CLPB: variants seen among roughly 807,000 people sequenced by gnomAD.
CLPB encodes ClpB family mitochondrial disaggregase.
A neutral mutation model predicts 78.4 loss-of-function variants in CLPB; 40 were observed. The observed-to-expected ratio is 0.51, with a 90% CI of 0.40 to 0.66. The LOEUF (loss-of-function observed/expected upper bound fraction) is 0.66. CLPB is among the 30% of genes least tolerant of loss of function. The pLI is 0.00. For synonymous variants in CLPB, 333 were observed against 348.0 expected, an observed-to-expected ratio of 0.96 and a Z score of 0.48; for missense variants, 780 against 886.9, an observed-to-expected ratio of 0.88 and a Z score of 1.53.
intron 2 of CLPB, among the ~76,000 whole-genome samples, chr11:72,407,931 G>C (rs574192522): frequency 1.6e-4 from 24 of 152,292 alleles, no homozygotes; most frequent in Middle Eastern, 3.4e-3. Flanking sequence ...ACAGGCATGA[G>C]CCACCGCGCC....
intron 12 of CLPB, 152 bp from the exon 13 acceptor site, chr11:72,294,845 TCTC>T (rs1379734647): frequency 1.5e-6 from 1 of 680,752 alleles, no homozygotes; most frequent in Non-Finnish European, 2.6e-6. Flanking sequence ...TTCAGCCTGG[TCTC>T]CTCCTCTGAC....
At chr11:72,381,227 A>C (rs1482898986) in intron 3 of CLPB, among the ~76,000 whole-genome samples, 3 of 152,122 alleles carry the variant, frequency 2.0e-5, no homozygotes, top group Non-Finnish European at 4.4e-5. Flanking sequence ...ACATACACTC[A>C]TGGGGGAAGG....
chr11:72,427,182 TC>T (rs370259921), intron 2 of CLPB, among the ~76,000 whole-genome samples: 6 of 151,830 alleles, frequency 4.0e-5, no homozygotes, highest in African/African-American at 1.5e-4. Flanking sequence ...ATCGAATACC[TC>T]CCCCTGGGAG....
rs573602349 is a variant in CLPB, at chr11:72,357,180, C to T, written c.775+1700G>A. On this transcript the variant is annotated intron_variant, in intron 5 of 15. Coordinates refer to ENST00000538039, the MANE Select transcript of CLPB (RefSeq NM_001258392.3). ...TCCCTTGTAGGCTTGGGGATACAGGCCAGGCCTGGGTTTTAAGCTAGCATG... is the reference window on the plus strand; with the variant it reads ...TCCCTTGTAGGCTTGGGGATACAGGTCAGGCCTGGGTTTTAAGCTAGCATG... 58 of 152,234 alleles carry T rather than the reference C, an allele frequency of 3.8e-4. 1 individual carries two copies. Among genetic ancestry groups the T allele is most frequent in the Non-Finnish European group, 5.6e-4 (38 of 68,146 alleles). 9.4% of individuals were successfully genotyped at this position (152,234 alleles called of 1,614,324 possible).
intron 5 of CLPB, among the ~76,000 whole-genome samples, chr11:72,350,073 G>C (rs534404756): frequency 6.6e-6 from 1 of 152,270 alleles, no homozygotes; most frequent in African/African-American, 2.4e-5. Context: ...GCTCAACTAT[G>C]CAGTGGCTCC....
intron 3 of CLPB, among the ~76,000 whole-genome samples, chr11:72,399,482 A>G (rs1855502058): frequency 6.6e-6 from 1 of 152,196 alleles, no homozygotes; most frequent in Admixed American, 6.5e-5. Flanking sequence ...TATAAATTAA[A>G]TTATTGTGCA....
At chr11:72,397,385 T>C (rs1176851906) in intron 3 of CLPB, among the ~76,000 whole-genome samples, 5 of 152,234 alleles carry the variant, frequency 3.3e-5, no homozygotes, top group Admixed American at 1.3e-4. Flanking sequence ...CTTAGACAAA[T>C]ACCTAGGAGT....
At chr11:72,324,225 C>G (rs1253247267) in intron 6 of CLPB, among the ~76,000 whole-genome samples, 1 of 151,916 alleles carries the variant, frequency 6.6e-6, no homozygotes. Flanking sequence ...TCCATACATT[C>G]CTGATATGTG....
At chr11:72,294,147 G>A (rs769861976) in intron 14 of CLPB, 21 bp from the exon 15 acceptor site, 1 of 1,611,050 alleles carries the variant, frequency 6.2e-7, no homozygotes, top group South Asian at 1.1e-5. Flanking sequence ...TCAGATAGAA[G>A]CATGCCTGCA....
intron 3 of CLPB, among the ~76,000 whole-genome samples, chr11:72,384,503 C>T (rs896310808): frequency 4.0e-5 from 6 of 151,848 alleles, no homozygotes; most frequent in African/African-American, 7.3e-5. Context: ...CAAAGGAAGA[C>T]GGCAAGAGAG....
chr11:72,292,018 G>A lies in CLPB; in HGVS notation c.*1349C>T, dbSNP rs1184503215. 6.8e-6 allele frequency: 1 copy of A among 147,404 alleles called. No individual in the cohort carries two copies. The highest frequency in any genetic ancestry group is 2.6e-5 in the African/African-American group (1 of 39,004). 9.1% of individuals were successfully genotyped at this position (147,404 alleles called of 1,614,324 possible). A position where few individuals can be genotyped will look rare whatever the true frequency, so the allele number is the denominator to read the frequency against. ...AGATCGCGCCACTGCACTCCAGCTT[G>A]GGGGACAGAGTGAGACTCTGTCTCA... On this transcript the variant is annotated 3_prime_UTR_variant, in exon 16 of 16. Coordinates refer to ENST00000538039, the MANE Select transcript of CLPB (RefSeq NM_001258392.3).
At chr11:72,322,018 G>A (rs1950053053) in intron 6 of CLPB, among the ~76,000 whole-genome samples, 1 of 152,096 alleles carries the variant, frequency 6.6e-6, no homozygotes, top group Non-Finnish European at 1.5e-5. Context: ...AATGATAAAA[G>A]AGGAGCCCAG....
intron 1 of CLPB, among the ~76,000 whole-genome samples, 196 bp downstream of exon 1, chr11:72,433,875 TG>T (rs1488913161): frequency 6.6e-6 from 1 of 152,134 alleles, no homozygotes; most frequent in Non-Finnish European, 1.5e-5. Flanking sequence ...AGCGGATCTA[TG>T]GTACGAGATT....
intron 4 of CLPB, among the ~76,000 whole-genome samples, chr11:72,377,694 A>G (rs1008679755): frequency 4.7e-5 from 7 of 149,076 alleles, no homozygotes; most frequent in African/African-American, 7.6e-5. Context: ...AGGGGAAGGG[A>G]AAGGGAAGGG....
At position 72,329,782 on chromosome 11, in the gene CLPB, A is replaced by G; in HGVS notation, c.798T>C (p.Asn266=). The change falls in exon 6 of 16, where the codon AAT becomes AAC. Residue 266 remains asparagine, a synonymous_variant. Transcript: ENST00000538039. Reference sequence around the variant, plus strand: ...AATCCAAGGGTGTGTGTCCCATTTCATTCCTCTGCAGGGGGTTGGCTCCTG... The same window carrying G: ...AATCCAAGGGTGTGTGTCCCATTTCGTTCCTCTGCAGGGGGTTGGCTCCTG... The part of the protein sequence containing the change: ...LDGGANPLQR[N]EMGHTPLDYA... 6.2e-7 allele frequency: 1 copy of G among 1,613,832 alleles called. No individual in the cohort carries two copies. The highest frequency in any genetic ancestry group is 8.5e-7 in the Non-Finnish European group (1 of 1,179,868).
chr11:72,336,251 A>G (rs1950320447), intron 5 of CLPB, among the ~76,000 whole-genome samples: 1 of 152,138 alleles, frequency 6.6e-6, no homozygotes, highest in South Asian at 2.1e-4. Flanking sequence ...AACAATAACA[A>G]CAACAGTAAA....
At chr11:72,408,747 C>G (rs187671205) in intron 2 of CLPB, among the ~76,000 whole-genome samples, 1 of 151,996 alleles carries the variant, frequency 6.6e-6, no homozygotes, top group Admixed American at 6.6e-5. Flanking sequence ...CTGGGTAGGC[C>G]CCTCCCCTGC....
At chr11:72,302,496 G>T in intron 9 of CLPB, 148 bp from the exon 10 acceptor site, 2 of 706,174 alleles carry the variant, frequency 2.8e-6, no homozygotes, top group South Asian at 1.6e-5. Context: ...GTTTTTTTCT[G>T]ACTTCCTGTC....
At chr11:72,379,959 C>T (rs1248154078) in intron 4 of CLPB, among the ~76,000 whole-genome samples, 2 of 152,152 alleles carry the variant, frequency 1.3e-5, no homozygotes, top group African/African-American at 4.8e-5. Context: ...AAATCTGCTC[C>T]GTTGTCCACT....
Sources: gnomAD v4.1 joint callset for allele counts (sites outside exome capture counted in the v4.1 genomes callset) on GRCh38, gnomAD v4.1.1 for gene constraint, MANE v1.5 for transcripts, NCBI Gene and HGNC (gene_info 2026-07-23, HGNC 2026-07-21) for gene names.